Variants in CDCA8 observed in about 807,000 individuals in gnomAD.
The protein encoded by CDCA8 is cell division cycle associated 8.
CDCA8 carries 25 observed loss-of-function variants against 40.0 expected under a neutral mutation model. That is an observed-to-expected ratio of 0.63 (90% CI 0.46 to 0.87). The LOEUF (loss-of-function observed/expected upper bound fraction) is 0.87, where lower values mean the gene tolerates loss of function less well. Among genes scored for constraint, CDCA8 ranks in the 40% least tolerant of loss-of-function variants. CDCA8 has a pLI of 0.00. For synonymous variants in CDCA8, 111 were observed against 126.5 expected (o/e 0.88, Z 0.82); for missense variants, 280 against 348.4 (o/e 0.80, Z 1.56).
At chr1:37,701,105 C>T (rs534432334) in intron 5 of CDCA8, among the ~76,000 whole-genome samples, 1 of 152,224 alleles carries the variant, frequency 6.6e-6, no homozygotes, top group South Asian at 2.1e-4. Flanking sequence ...CTAGGCTAGA[C>T]AGAAATTTCA....
chr1:37,699,596 GAAA>G (rs1161377598), intron 4 of CDCA8, among the ~76,000 whole-genome samples: 1 of 6,366 alleles, frequency 1.6e-4, no homozygotes, highest in African/African-American at 3.8e-3. Context: ...GAAAGGAAAG[GAAA>G]GGAAAGGAAA....
At chr1:37,705,622 C>A (rs1489471442) in intron 8 of CDCA8, 55 bp downstream of exon 8, 7 of 1,595,894 alleles carry the variant, frequency 4.4e-6, no homozygotes, top group East Asian at 4.5e-5. Flanking sequence ...TCAAGCATTT[C>A]TTTTCCCTGG....
Position 37,695,957 on chromosome 1 carries a change from G to A in CDCA8, c.264+7G>A. 2 of 1,613,666 alleles carry A rather than the reference G, an allele frequency of 1.2e-6. No individual in the cohort carries two copies. The highest frequency in any genetic ancestry group is 2.2e-5 in the East Asian group (1 of 44,868). On this transcript the variant is annotated splice_region_variant and intron_variant, in intron 3 of 9. Coordinates refer to ENST00000373055, the MANE Select transcript of CDCA8 (RefSeq NM_001256875.2). ...CCTGGAAGAGGCGGCAACAGTAAGT[G>A]ACCTTTCCTATTTTCCAGCCAGTGG...
chr1:37,699,009 G>A (rs896436252), intron 4 of CDCA8, 32 bp downstream of exon 4: 1 of 1,487,590 alleles, frequency 6.7e-7, no homozygotes, highest in Non-Finnish European at 9.4e-7. Context: ...TTGTTGTACA[G>A]AAAGAACTGA....
In CDCA8 at chr1:37,692,727, A is replaced by G; in HGVS notation, c.37A>G (p.Thr13Ala). The G allele has an allele frequency of 6.2e-7, 1 of 1,613,392 alleles. No individual in the cohort carries two copies. The highest frequency in any genetic ancestry group is 8.5e-7 in the Non-Finnish European group (1 of 1,179,990). The change falls in exon 1 of 10, where the codon ACC (threonine) becomes GCC (alanine). Residue 13 changes from threonine to alanine, a missense_variant. By Grantham distance (58) the Thr-to-Ala change is moderately conservative (BLOSUM62 0). Transcript: ENST00000373055. ...PRKGSSRVAK[T>A]NSLRRRKLAS... ...GAAGGGCAGTAGTCGGGTGGCCAAG[A>G]CCAACTCCTTACGGAGGCGGAAGCT...
At position 37,692,902 on chromosome 1, in the gene CDCA8, C is replaced by T; in HGVS notation, c.95-3C>T. The T allele has an allele frequency of 6.2e-7, 1 of 1,613,692 alleles. No homozygotes were observed. Among genetic ancestry groups the T allele is most frequent in the South Asian group, 1.1e-5 (1 of 91,084 alleles). On this transcript the variant is annotated splice_polypyrimidine_tract_variant and splice_region_variant and intron_variant, in intron 1 of 9. Transcript: ENST00000373055. ...GTGTCCTGTCGGCTCTGCCCTCCCG[C>T]AGTGGAAATACGAATCAAGCAAATT... is the stretch of plus-strand genomic sequence containing the variant.
intron 2 of CDCA8, 89 bp downstream of exon 2, chr1:37,693,122 C>T: frequency 8.8e-7 from 1 of 1,133,956 alleles, no homozygotes; most frequent in South Asian, 1.3e-5. Flanking sequence ...CAGATGTCAC[C>T]TTTTAATGAG....
rs1312441009 is a variant in CDCA8 at position 37,708,401 on chromosome 1, C to A, written c.*35C>A. The A allele has an allele frequency of 6.3e-7, 1 of 1,593,682 alleles. No homozygotes were observed. The highest frequency in any genetic ancestry group is 2.2e-5 in the East Asian group (1 of 44,768). ...GTTGACAGGATGGACTTTTAATGGG[C>A]ACTTCTGGGACCCTGAAGAGACTTC... is the stretch of plus-strand genomic sequence containing the variant. On this transcript the variant is annotated 3_prime_UTR_variant, in exon 10 of 10. Coordinates refer to ENST00000373055, the MANE Select transcript of CDCA8 (RefSeq NM_001256875.2).
In CDCA8 at chr1:37,708,390, C is replaced by T; in HGVS notation, c.*24C>T. 6.2e-7 allele frequency: 1 copy of T among 1,610,942 alleles called. No homozygotes were observed. The highest frequency in any genetic ancestry group is 8.5e-7 in the Non-Finnish European group (1 of 1,177,108). On this transcript the variant is annotated 3_prime_UTR_variant, in exon 10 of 10. Coordinates refer to ENST00000373055, the MANE Select transcript of CDCA8 (RefSeq NM_001256875.2). Reference sequence around the variant, plus strand: ...GAGACACCAAAGTTGACAGGATGGACTTTTAATGGGCACTTCTGGGACCCT... The same window carrying T: ...GAGACACCAAAGTTGACAGGATGGATTTTTAATGGGCACTTCTGGGACCCT...
At chr1:37,693,105 G>T (rs1014537371) in intron 2 of CDCA8, 72 bp downstream of exon 2, 2 of 1,401,844 alleles carry the variant, frequency 1.4e-6, no homozygotes, top group Non-Finnish European at 2.0e-6. Context: ...TTCAGAAAGG[G>T]CTCGCTCAGA....
rs755184966 is a variant in CDCA8 at position 37,692,690 on chromosome 1, C to T, written c.-1C>T. 6.2e-7 allele frequency: 1 copy of T among 1,612,430 alleles called. No individual in the cohort carries two copies. Among genetic ancestry groups the T allele is most frequent in the South Asian group, 1.1e-5 (1 of 91,040 alleles). On this transcript the variant is annotated 5_prime_UTR_variant, in exon 1 of 10. Coordinates refer to ENST00000373055, the MANE Select transcript of CDCA8 (RefSeq NM_001256875.2). ...GCTCCCCGCAGCCTCCGCCGAGCGC[C>T]ATGGCTCCTAGGAAGGGCAGTAGTC... is the stretch of plus-strand genomic sequence containing the variant.
In CDCA8 at chr1:37,706,026, G is replaced by T. The variant is rs1368903621; in HGVS notation, c.711+459G>T. On this transcript the variant is annotated intron_variant, in intron 8 of 9. Transcript: ENST00000373055. ...GGGTTTCACCACGTTGGCCAGGATG[G>T]TCTCGATTGCTTGACCTCGTGATCC... 2.7e-5 allele frequency among the ~76,000 whole-genome samples: 4 copies of T among 150,552 alleles called. No individual in the cohort carries two copies. The East Asian group carries it at 7.8e-4, about 29-fold the overall frequency.
At chr1:37,700,002 T>C (rs1056072626) in intron 4 of CDCA8, among the ~76,000 whole-genome samples, 6 of 152,134 alleles carry the variant, frequency 3.9e-5, no homozygotes, top group Non-Finnish European at 7.3e-5. Flanking sequence ...TGAGAAACAC[T>C]GTCTTATAGG....
At chr1:37,695,799 T>G in intron 2 of CDCA8, 111 bp from the exon 3 acceptor site, 1 of 811,656 alleles carries the variant, frequency 1.2e-6, no homozygotes. Context: ...ATGGTGAAGG[T>G]CCTTGAAGGT....
At chr1:37,707,786 A>T (rs895199526) in intron 9 of CDCA8, among the ~76,000 whole-genome samples, 9 of 152,202 alleles carry the variant, frequency 5.9e-5, no homozygotes, top group African/African-American at 2.2e-4. Flanking sequence ...GTGCTGCTGC[A>T]CTCCAGCCTG....
chr1:37,706,031 G>A lies in CDCA8; in HGVS notation c.711+464G>A, dbSNP rs992051263. On this transcript the variant is annotated intron_variant, in intron 8 of 9. Transcript: ENST00000373055. ...TCACCACGTTGGCCAGGATGGTCTC[G>A]ATTGCTTGACCTCGTGATCCGCCCT... 9.8e-4 allele frequency among the ~76,000 whole-genome samples: 148 copies of A among 150,620 alleles called. 1 individual carries two copies. The highest frequency in any genetic ancestry group is 1.1e-3 in the Non-Finnish European group (75 of 67,830).
Position 37,696,043 on chromosome 1 carries a change from T to G in CDCA8, c.264+93T>G. ...ATAGATGCTTACTGTGGAAGAGGTTTCATAAAGGGACATCATCTGTTTGTG... is the reference window on the plus strand; with the variant it reads ...ATAGATGCTTACTGTGGAAGAGGTTGCATAAAGGGACATCATCTGTTTGTG... On this transcript the variant is annotated intron_variant, in intron 3 of 9. Transcript: ENST00000373055. This position sits in a 1 kb window ranked among gnomAD's most constrained non-coding sequence, Gnocchi z 5.0. The G allele has an allele frequency of 9.2e-7, 1 of 1,083,558 alleles. No homozygotes were observed. The highest frequency in any genetic ancestry group is 1.3e-5 in the South Asian group (1 of 75,586). The allele number at this position is 1,083,558 out of a possible 1,614,324, so 67.1% of individuals were successfully genotyped here.
At chr1:37,695,856 G>C (rs1268124336) in intron 2 of CDCA8, 54 bp from the exon 3 acceptor site, 2 of 1,523,154 alleles carry the variant, frequency 1.3e-6, no homozygotes, top group Non-Finnish European at 1.8e-6. Context: ...GGTACTATTA[G>C]GCAAGATGAT....
chr1:37,706,769 C>G (rs1435386458), intron 8 of CDCA8, among the ~76,000 whole-genome samples: 1 of 152,212 alleles, frequency 6.6e-6, no homozygotes, highest in East Asian at 1.9e-4. Flanking sequence ...AGATGATGTG[C>G]GTGCCTTTTG....
Sources: gnomAD v4.1 joint callset for allele counts (sites outside exome capture counted in the v4.1 genomes callset) on GRCh38, gnomAD v4.1.1 for gene constraint, Gnocchi (gnomAD v3.1) non-coding constraint, MANE v1.5 for transcripts, NCBI Gene and HGNC (gene_info 2026-07-23, HGNC 2026-07-21) for gene names.